RELN: variants seen among roughly 807,000 people sequenced by gnomAD.
RELN encodes the protein reelin.
In RELN, 108 loss-of-function variants were observed where a neutral mutation model predicts 427.6. The ratio of observed to expected loss-of-function variants is 0.25; its 90% confidence interval spans 0.22 to 0.30. The LOEUF (loss-of-function observed/expected upper bound fraction) is 0.30, where lower values mean the gene tolerates loss of function less well. Among genes scored for constraint, RELN ranks in the 10% least tolerant of loss-of-function variants. The pLI, the probability that RELN is intolerant of heterozygous loss-of-function variation, is 1.00. For missense variants in RELN, 3,715 were observed against 4,302.8 expected (o/e 0.86, Z 3.82); for synonymous variants, 1,524 against 1,513.4 (o/e 1.01, Z -0.16).
chr7:103,717,192 G>T (rs1000416544), intron 8 of RELN, among the ~76,000 whole-genome samples: 5 of 151,346 alleles, frequency 3.3e-5, no homozygotes, highest in Admixed American at 6.6e-5. Context: ...CAGAATTTTG[G>T]GTTTAGTGGT....
At chr7:103,758,655 G>GA (rs1378140870) in intron 4 of RELN, among the ~76,000 whole-genome samples, 1 of 149,986 alleles carries the variant, frequency 6.7e-6, no homozygotes, top group Admixed American at 6.7e-5. Context: ...AGTTAAATGA[G>GA]AAAAAAATGA....
intron 9 of RELN, among the ~76,000 whole-genome samples, chr7:103,698,536 C>T (rs1040486683): frequency 6.6e-6 from 1 of 151,972 alleles, no homozygotes; most frequent in Non-Finnish European, 1.5e-5. Flanking sequence ...TTTTTTGAGA[C>T]AGGGTCTTGC....
At position 103,965,525 on chromosome 7, in the gene RELN, T is replaced by A. The variant is rs1796642983; in HGVS notation, c.226+23606A>T. ...GAATGGAAACAATATAATGAAACCA[T>A]CATTTTTATATATTTTTAAGGACTC... On this transcript the variant is annotated intron_variant, in intron 1 of 64. Transcript: ENST00000428762. 2.0e-5 allele frequency among the ~76,000 whole-genome samples: 3 copies of A among 152,286 alleles called. No homozygotes were observed. In the South Asian group the frequency reaches 6.2e-4, roughly 32 times the overall value.
chr7:103,929,620 A>G (rs953401418), intron 1 of RELN, among the ~76,000 whole-genome samples: 3 of 152,336 alleles, frequency 2.0e-5, no homozygotes, highest in Non-Finnish European at 4.4e-5. Flanking sequence ...CAACAGCAAT[A>G]TAACTAGTGC....
rs1833363024 is a variant in RELN at position 103,670,307 on chromosome 7, A to AGTTTTCC, written c.1290-8787_1290-8781dup. ...TGTGTGCATACACATCTGATTATCT[A>AGTTTTCC]GTTTTCCTTTTCCTTTTAGGAACTT... On this transcript the variant is annotated intron_variant, in intron 11 of 64. Coordinates refer to ENST00000428762, the MANE Select transcript of RELN (RefSeq NM_005045.4). Among the ~76,000 whole-genome samples, 5 of 152,084 alleles carry AGTTTTCC rather than the reference A, an allele frequency of 3.3e-5. No individual in the cohort carries two copies. The South Asian group carries it at 1.0e-3, about 32-fold the overall frequency.
intron 20 of RELN, among the ~76,000 whole-genome samples, chr7:103,624,952 A>C (rs1832297577): frequency 1.3e-5 from 2 of 152,326 alleles, no homozygotes; most frequent in African/African-American, 4.8e-5. Flanking sequence ...AGTACCCAAG[A>C]GGCCCTTCGA....
intron 1 of RELN, among the ~76,000 whole-genome samples, chr7:103,971,023 G>T (rs1349083934): frequency 6.6e-6 from 1 of 151,970 alleles, no homozygotes; most frequent in Non-Finnish European, 1.5e-5. Context: ...GTGGTCGCGG[G>T]CACCCATAAT....
At chr7:103,493,536 GAA>G (rs1385460884) in intron 57 of RELN, among the ~76,000 whole-genome samples, 1 of 152,144 alleles carries the variant, frequency 6.6e-6, no homozygotes, top group Non-Finnish European at 1.5e-5. Context: ...GTGCAGATTT[GAA>G]ATTTGCTCTT....
At position 103,662,625 on chromosome 7, in the gene RELN, CAAAAAAAAAA is replaced by C. The variant is rs747230376; in HGVS notation, c.1290-1108_1290-1099del. 3.9e-5 allele frequency among the ~76,000 whole-genome samples: 3 copies of C among 77,338 alleles called. No homozygotes were observed. In the East Asian group the frequency reaches 1.0e-3, roughly 26 times the overall value. The allele number at this position is 77,338 out of a possible 152,430, so 50.7% of individuals were successfully genotyped here. On this transcript the variant is annotated intron_variant, in intron 11 of 64. Coordinates refer to ENST00000428762, the MANE Select transcript of RELN (RefSeq NM_005045.4). ...TGGGTGACACAGCGAGACTCCGTCA[CAAAAAAAAAA>C]AAAAAAAAAAGAAACGGGTGACACT...
At chr7:103,502,261 GGTAATA>G (rs1277518161) in intron 52 of RELN, among the ~76,000 whole-genome samples, 2 of 151,338 alleles carry the variant, frequency 1.3e-5, no homozygotes, top group African/African-American at 4.8e-5. Context: ...AACCCTGAGT[GGTAATA>G]ATAATAATAA....
intron 20 of RELN, among the ~76,000 whole-genome samples, chr7:103,615,435 T>A (rs1273160295): frequency 1.3e-5 from 2 of 152,180 alleles, no homozygotes; most frequent in Non-Finnish European, 1.5e-5. Flanking sequence ...CGGAAGCCTG[T>A]CCACAGGGAG....
intron 28 of RELN, among the ~76,000 whole-genome samples, chr7:103,577,285 GAACCAT>G (rs1019471154): frequency 6.6e-6 from 1 of 152,126 alleles, no homozygotes; most frequent in Non-Finnish European, 1.5e-5. Context: ...TGGCAGCAAT[GAACCAT>G]AACCTTGGCT....
At chr7:103,650,406 C>T in intron 15 of RELN, 23 bp from the exon 16 acceptor site, 8 of 1,331,510 alleles carry the variant, frequency 6.0e-6, no homozygotes, top group Non-Finnish European at 8.7e-6. Flanking sequence ...TAGCACAAAA[C>T]CATCTTCACA....
At chr7:103,933,611 A>G (rs1290273636) in intron 1 of RELN, among the ~76,000 whole-genome samples, 2 of 152,102 alleles carry the variant, frequency 1.3e-5, no homozygotes, top group African/African-American at 4.8e-5. Flanking sequence ...AGGCACAAGC[A>G]GAACTGTGCA....
chr7:103,970,894 G>A (rs562279178), intron 1 of RELN, among the ~76,000 whole-genome samples: 1 of 152,210 alleles, frequency 6.6e-6, no homozygotes, highest in Non-Finnish European at 1.5e-5. Flanking sequence ...GGTGGCTCAC[G>A]CCTGTAATCC....
intron 1 of RELN, among the ~76,000 whole-genome samples, chr7:103,932,523 T>G (rs1795888911): frequency 6.6e-6 from 1 of 152,170 alleles, no homozygotes; most frequent in Admixed American, 6.5e-5. Flanking sequence ...TCTGCACGTG[T>G]ACCCCTGAAC....
chr7:103,914,808 G>A (rs979034981), intron 2 of RELN, among the ~76,000 whole-genome samples: 2 of 152,040 alleles, frequency 1.3e-5, no homozygotes, highest in Admixed American at 6.6e-5. Context: ...TCTTGTTGCC[G>A]ATGCCCGCCT....
chr7:103,823,071 G>A (rs150702449), intron 3 of RELN, among the ~76,000 whole-genome samples: 2,742 of 152,026 alleles, frequency 0.018, 47 homozygotes, highest in Admixed American at 0.031. Flanking sequence ...TTGTCTACAC[G>A]CAAGTTATTT....
At position 103,482,953 on chromosome 7, in the gene RELN, T is replaced by C; in HGVS notation, c.10200A>G (p.Gly3400=). 6.2e-7 allele frequency: 1 copy of C among 1,614,124 alleles called. No homozygotes were observed. Among genetic ancestry groups the C allele is most frequent in the Non-Finnish European group, 8.5e-7 (1 of 1,179,984 alleles). ...GTGGTTGCCACCAGCGCAGTAAGAC[T>C]CCTTTCATCCGTGCCTCCCTGGGTC... ...YNVPLEARMK[G]VLLRWWQPRH... is the part of the protein sequence containing the mutation. Residue 3400 remains glycine (G), a synonymous_variant, in exon 63 of 65, where the codon GGA becomes GGG. Transcript: ENST00000428762.
Sources: gnomAD v4.1 joint callset for allele counts (sites outside exome capture counted in the v4.1 genomes callset) on GRCh38, gnomAD v4.1.1 for gene constraint, MANE v1.5 for transcripts, NCBI Gene and HGNC (gene_info 2026-07-23, HGNC 2026-07-21) for gene names.